The following SGPP2 variants were observed in gnomAD, a reference collection of about 807,000 sequenced individuals.
The protein encoded by SGPP2 is sphingosine 1-phosphate phosphohydrolase 2.
A neutral mutation model predicts 33.9 loss-of-function variants in SGPP2; 30 were observed. The ratio of observed to expected loss-of-function variants is 0.89; its 90% CI spans 0.66 to 1.20. The LOEUF is 1.20. Among genes scored for constraint, SGPP2 ranks in the 50% most tolerant of loss-of-function variants. SGPP2 has a pLI of 0.00. For missense variants in SGPP2, 458 were observed against 532.1 expected (o/e 0.86, Z 1.37); for synonymous variants, 233 against 225.0 (o/e 1.04, Z -0.32).
At chr2:222,433,309 A>G (rs925805163) in intron 1 of SGPP2, among the ~76,000 whole-genome samples, 2 of 152,102 alleles carry the variant, frequency 1.3e-5, no homozygotes, top group Admixed American at 6.5e-5. Flanking sequence ...GAGGAATTAT[A>G]TTATAAACCC....
intron 1 of SGPP2, among the ~76,000 whole-genome samples, chr2:222,434,696 GT>G (rs1287677841): frequency 6.6e-6 from 1 of 151,936 alleles, no homozygotes; most frequent in Non-Finnish European, 1.5e-5. Context: ...CAAAAATTTT[GT>G]TTCCATAAAA....
intron 1 of SGPP2, among the ~76,000 whole-genome samples, chr2:222,462,249 C>G (rs1697673337): frequency 1.3e-5 from 2 of 152,050 alleles, no homozygotes; most frequent in Non-Finnish European, 2.9e-5. Flanking sequence ...AAGGAATGAG[C>G]AGGGTAGAAA....
chr2:222,554,024 T>TC (rs909627481), intron 4 of SGPP2, among the ~76,000 whole-genome samples: 3 of 152,182 alleles, frequency 2.0e-5, no homozygotes, highest in Admixed American at 6.5e-5. Flanking sequence ...AGGGTCCTGA[T>TC]CCCACTCGTG....
intron 1 of SGPP2, among the ~76,000 whole-genome samples, chr2:222,434,932 T>G (rs1054715582): frequency 2.0e-5 from 3 of 151,398 alleles, no homozygotes; most frequent in Admixed American, 2.0e-4. Flanking sequence ...GGTTTGTATA[T>G]TAGGGTTCTC....
At chr2:222,452,958 C>G in intron 1 of SGPP2, 1 of 1,577,234 alleles carries the variant, frequency 6.3e-7, no homozygotes, top group Non-Finnish European at 8.7e-7. Context: ...GTATTTCTGT[C>G]TCTGAAATCT....
chr2:222,497,450 T>A (rs999738300), intron 2 of SGPP2, among the ~76,000 whole-genome samples: 2 of 152,118 alleles, frequency 1.3e-5, no homozygotes, highest in African/African-American at 4.8e-5. Context: ...TTTCACCATG[T>A]TGGCCAGGCT....
rs564682832 is a variant in SGPP2, at chr2:222,472,079, C to T, written c.220-2489C>T. Among the ~76,000 whole-genome samples, 26 of 152,254 alleles carry T rather than the reference C, an allele frequency of 1.7e-4. No individual in the cohort carries two copies. In the East Asian group the frequency reaches 3.5e-3, roughly 20 times the overall value. On this transcript the variant is annotated intron_variant, in intron 1 of 4. Transcript: ENST00000321276. ...GGTCTTGTGTGTACTTTCTGCTAAGCGTTTCTCACACCATCATTGTGATGG... is the reference window on the plus strand; with the variant it reads ...GGTCTTGTGTGTACTTTCTGCTAAGTGTTTCTCACACCATCATTGTGATGG...
At chr2:222,489,378 A>T (rs1377535867) in intron 2 of SGPP2, among the ~76,000 whole-genome samples, 1 of 152,074 alleles carries the variant, frequency 6.6e-6, no homozygotes, top group Non-Finnish European at 1.5e-5. Context: ...GTAGCCAGCA[A>T]GGACTGTATG....
rs528440077 is a variant in SGPP2, at chr2:222,439,212, C to T, written c.219+14391C>T. Reference sequence around the variant, plus strand: ...TACCCTGGTGAAAGGCCAGAGGTCTCCTTGGGGAAGGATGGGAGAAAGATT... The same window carrying T: ...TACCCTGGTGAAAGGCCAGAGGTCTTCTTGGGGAAGGATGGGAGAAAGATT... On this transcript the variant is annotated intron_variant, in intron 1 of 4. Coordinates refer to ENST00000321276, the MANE Select transcript of SGPP2 (RefSeq NM_152386.4). Among the ~76,000 whole-genome samples the T allele has an allele frequency of 1.1e-4, 16 of 152,228 alleles. No homozygotes were observed. In the South Asian group the frequency reaches 3.1e-3, roughly 30 times the overall value.
chr2:222,468,016 A>T (rs1697777740), intron 1 of SGPP2, among the ~76,000 whole-genome samples: 1 of 148,618 alleles, frequency 6.7e-6, no homozygotes, highest in Admixed American at 6.9e-5. Flanking sequence ...CCTTGCAATG[A>T]CATTGGTCTA....
intron 1 of SGPP2, among the ~76,000 whole-genome samples, chr2:222,439,969 A>C (rs888749411): frequency 1.3e-5 from 2 of 152,200 alleles, no homozygotes; most frequent in Non-Finnish European, 2.9e-5. Flanking sequence ...GAAATGGTGA[A>C]GGGTATATGG....
At chr2:222,503,633 T>C (rs1265128583) in intron 2 of SGPP2, among the ~76,000 whole-genome samples, 2 of 152,212 alleles carry the variant, frequency 1.3e-5, no homozygotes, top group East Asian at 3.8e-4. Flanking sequence ...TCTCCATGTG[T>C]TTTATTTTCT....
At chr2:222,547,067 A>G (rs1231617343) in intron 4 of SGPP2, among the ~76,000 whole-genome samples, 1 of 152,192 alleles carries the variant, frequency 6.6e-6, no homozygotes. Context: ...AAGCACTGAA[A>G]CAGTGTAGAT....
At chr2:222,495,014 A>G (rs1698254969) in intron 2 of SGPP2, among the ~76,000 whole-genome samples, 1 of 152,152 alleles carries the variant, frequency 6.6e-6, no homozygotes, top group African/African-American at 2.4e-5. Context: ...CCTGGGTGAC[A>G]GAGTGAGACT....
At chr2:222,516,522 T>C (rs1574872533) in intron 2 of SGPP2, among the ~76,000 whole-genome samples, 1 of 152,228 alleles carries the variant, frequency 6.6e-6, no homozygotes, top group East Asian at 1.9e-4. Context: ...CTTTTGTTTC[T>C]CCTGGGCAAA....
intron 1 of SGPP2, among the ~76,000 whole-genome samples, chr2:222,462,043 T>C (rs1368168033): frequency 2.0e-5 from 3 of 152,150 alleles, no homozygotes; most frequent in African/African-American, 7.2e-5. Context: ...CAGGTCGTTC[T>C]TTATTTCTTC....
At chr2:222,511,468 C>T (rs13384343) in intron 2 of SGPP2, among the ~76,000 whole-genome samples, 6,908 of 152,168 alleles carry the variant, frequency 0.045, 543 homozygotes, top group African/African-American at 0.16. Context: ...AATTACTTCC[C>T]GTGTTGCCTC....
At chr2:222,451,351 T>C (rs548878140) in intron 1 of SGPP2, among the ~76,000 whole-genome samples, 4 of 152,356 alleles carry the variant, frequency 2.6e-5, no homozygotes, top group African/African-American at 4.8e-5. Context: ...TCTCACCCCA[T>C]TGATGGCGAA....
rs1697445269 is a variant in SGPP2 at position 222,449,305 on chromosome 2, G to C, written c.219+24484G>C. On this transcript the variant is annotated intron_variant, in intron 1 of 4. Coordinates refer to ENST00000321276, the MANE Select transcript of SGPP2 (RefSeq NM_152386.4). ...TTTTGACATTTTGATTGCAGGCTTT[G>C]GCATTTTGGGTGAGGACACACAAAC... Among the ~76,000 whole-genome samples the C allele has an allele frequency of 1.3e-5, 2 of 152,088 alleles. 1 individual carries two copies. Among genetic ancestry groups the C allele is most frequent in the African/African-American group, 4.8e-5 (2 of 41,396 alleles).
Sources: gnomAD v4.1 joint callset for allele counts (sites outside exome capture counted in the v4.1 genomes callset) on GRCh38, gnomAD v4.1.1 for gene constraint, MANE v1.5 for transcripts, NCBI Gene and HGNC (gene_info 2026-07-23, HGNC 2026-07-21) for gene names.